The following CST5 variants were observed in gnomAD, a reference collection of about 807,000 sequenced individuals.
CST5 encodes the protein cystatin D.
Under a neutral mutation model 11.5 loss-of-function variants are expected in CST5, and 13 were observed. The observed-to-expected ratio is 1.13, with a 90% CI of 0.73 to 1.79. The LOEUF is 1.79. CST5 is among the 40% of genes most tolerant of loss of function. The pLI is 0.00. For synonymous variants in CST5, 81 were observed against 67.6 expected (o/e 1.20, Z -0.97); for missense variants, 219 against 174.5 (o/e 1.25, Z -1.44).
intron 2 of CST5, 21 bp downstream of exon 2, chr20:23,877,483 CT>C (rs774493695): frequency 1.1e-5 from 17 of 1,591,480 alleles, no homozygotes; most frequent in African/African-American, 1.3e-5. Context: ...CTTGATGCCC[CT>C]GACCCACATC....
intron 1 of CST5, among the ~76,000 whole-genome samples, chr20:23,879,218 G>T (rs1986028982): frequency 1.3e-5 from 2 of 152,176 alleles, no homozygotes; most frequent in Admixed American, 6.5e-5. Flanking sequence ...TCATGGTACA[G>T]ACACAGTGGC....
chr20:23,878,181 G>A (rs1157223565), intron 1 of CST5, among the ~76,000 whole-genome samples: 1 of 152,156 alleles, frequency 6.6e-6, no homozygotes, highest in African/African-American at 2.4e-5. Flanking sequence ...TAACCCAGAG[G>A]TATTTTTCCT....
rs1985994490 is a variant in CST5 at position 23,877,631 on chromosome 20, A to G, written c.232-13T>C. 1 of 1,598,580 alleles carries G rather than the reference A, an allele frequency of 6.3e-7. No homozygotes were observed. Among genetic ancestry groups the G allele is most frequent in the African/African-American group, 1.3e-5 (1 of 74,712 alleles). On this transcript the variant is annotated splice_polypyrimidine_tract_variant and intron_variant, in intron 1 of 2. Coordinates refer to ENST00000304710, the MANE Select transcript of CST5 (RefSeq NM_001900.5). ...CCCCACCCACGATCTACACGCGTGG[A>G]AGAGCAGGAAGCAGGGGCAGCATGC...
chr20:23,877,479 G>T, intron 2 of CST5, 26 bp downstream of exon 2: 1 of 1,565,980 alleles, frequency 6.4e-7, no homozygotes, highest in Non-Finnish European at 8.8e-7. Flanking sequence ...GGTACTTGAT[G>T]CCCCTGACCC....
In CST5 at chr20:23,879,570, G is replaced by T. The variant is rs773285104; in HGVS notation, c.107C>A (p.Ala36Asp). 1 of 1,614,056 alleles carries T rather than the reference G, an allele frequency of 6.2e-7. No homozygotes were observed. The highest frequency in any genetic ancestry group is 1.7e-5 in the Admixed American group (1 of 60,020). ...QSRTLAGGIH[A>D]TDLNDKSVQC... ...CACACTCTTGTCATTGAGGTCTGTG[G>T]CATGGATGCCACCTGCCAAGGTCCT... Residue 36 changes from alanine (A) to aspartate (D), a missense_variant, in exon 1 of 3, where the codon GCC becomes GAC. By Grantham distance (126) the Ala-to-Asp change is moderately radical. Transcript: ENST00000304710.
At chr20:23,877,061 A>G (rs1009431171) in intron 2 of CST5, among the ~76,000 whole-genome samples, 1 of 152,170 alleles carries the variant, frequency 6.6e-6, no homozygotes, top group East Asian at 1.9e-4. Context: ...GCACACACAT[A>G]GGCATCTATA....
chr20:23,877,361 G>A (rs1005628616), intron 2 of CST5, 144 bp downstream of exon 2: 4 of 627,042 alleles, frequency 6.4e-6, no homozygotes, highest in Non-Finnish European at 1.1e-5. Flanking sequence ...TTGCATACGT[G>A]GCCCCACAAA....
At chr20:23,879,276 T>C (rs1986030990) in intron 1 of CST5, among the ~76,000 whole-genome samples, 170 bp downstream of exon 1, 1 of 152,292 alleles carries the variant, frequency 6.6e-6, no homozygotes, top group African/African-American at 2.4e-5. Flanking sequence ...GCTGAACTCA[T>C]GCACTCACGG....
At chr20:23,877,438 T>C (rs912194541) in intron 2 of CST5, 67 bp downstream of exon 2, 12 of 1,196,946 alleles carry the variant, frequency 1.0e-5, no homozygotes, top group African/African-American at 7.5e-5. Flanking sequence ...CACACACACA[T>C]ACACACACAC....
Position 23,879,442 on chromosome 20 carries a change from G to T in CST5, c.231+4C>A, listed in dbSNP as rs751306458. 11 of 1,611,358 alleles carry T rather than the reference G, an allele frequency of 6.8e-6. No homozygotes were observed. Among genetic ancestry groups the T allele is most frequent in the East Asian group, 2.2e-5 (1 of 44,876 alleles). On this transcript the variant is annotated splice_donor_region_variant and intron_variant, in intron 1 of 2. Coordinates refer to ENST00000304710, the MANE Select transcript of CST5 (RefSeq NM_001900.5). ...AGGACCCCCAGGGTGGTGGTAGCAC[G>T]CACCTGCTGGTAGGCAGCCATCACC...
intron 2 of CST5, among the ~76,000 whole-genome samples, chr20:23,876,624 C>A (rs912611782): frequency 9.9e-5 from 15 of 152,166 alleles, no homozygotes; most frequent in African/African-American, 3.4e-4. Context: ...CCTCCAGCAC[C>A]CAGGCCAGCA....
In CST5 at chr20:23,879,569, G is replaced by A. The variant is rs374579933; in HGVS notation, c.108C>T (p.Ala36=). 1.9e-6 allele frequency: 3 copies of A among 1,613,956 alleles called. No individual in the cohort carries two copies. The highest frequency in any genetic ancestry group is 2.5e-6 in the Non-Finnish European group (3 of 1,180,010). ...GCACACTCTTGTCATTGAGGTCTGT[G>A]GCATGGATGCCACCTGCCAAGGTCC... ...QSRTLAGGIH[A]TDLNDKSVQC... is the part of the protein sequence containing the mutation. Residue 36 remains alanine, a synonymous_variant, in exon 1 of 3, where the codon GCC becomes GCT. Coordinates refer to ENST00000304710, the MANE Select transcript of CST5 (RefSeq NM_001900.5).
intron 1 of CST5, among the ~76,000 whole-genome samples, chr20:23,879,028 A>G (rs929732748): frequency 6.6e-6 from 1 of 152,174 alleles, no homozygotes; most frequent in Non-Finnish European, 1.5e-5. Context: ...CAGGGGCGTG[A>G]CTTGGGAGGG....
intron 2 of CST5, among the ~76,000 whole-genome samples, chr20:23,876,695 G>A (rs1421737664): frequency 6.6e-6 from 1 of 152,240 alleles, no homozygotes; most frequent in Non-Finnish European, 1.5e-5. Flanking sequence ...AGTGCCCGAG[G>A]TGGTGAGGAG....
chr20:23,878,552 T>A (rs961928593), intron 1 of CST5, among the ~76,000 whole-genome samples: 3 of 152,098 alleles, frequency 2.0e-5, no homozygotes, highest in Admixed American at 2.0e-4. Context: ...GGCCCAACGA[T>A]CTACATCATT....
intron 1 of CST5, among the ~76,000 whole-genome samples, chr20:23,877,994 G>A (rs1337691260): frequency 6.6e-6 from 1 of 152,178 alleles, no homozygotes; most frequent in African/African-American, 2.4e-5. Flanking sequence ...GCAGGGCAGG[G>A]TCTAAGCACC....
chr20:23,876,355 G>A (rs1985961319), intron 2 of CST5, 84 bp from the exon 3 acceptor site: 4 of 1,132,136 alleles, frequency 3.5e-6, no homozygotes, highest in Middle Eastern at 2.1e-4. Flanking sequence ...CAGAATGGGG[G>A]TGAAAATGGT....
At chr20:23,878,452 C>G (rs1326056344) in intron 1 of CST5, among the ~76,000 whole-genome samples, 2 of 152,156 alleles carry the variant, frequency 1.3e-5, no homozygotes, top group Non-Finnish European at 2.9e-5. Flanking sequence ...AGACCTTGCC[C>G]TGTGGAACCA....
Position 23,879,469 on chromosome 20 carries a change from G to T in CST5, c.208C>A (p.Gln70Lys), listed in dbSNP as rs1190872090. The T allele has an allele frequency of 6.2e-7, 1 of 1,613,794 alleles. No individual in the cohort carries two copies. The highest frequency in any genetic ancestry group is 1.3e-5 in the African/African-American group (1 of 74,890). Residue 70 changes from glutamine (Q) to lysine (K), a missense_variant, in exon 1 of 3, where the codon CAG becomes AAG. Transcript: ENST00000304710. Reference protein sequence around the residue: ...NKDEYYSRPLQVMAAYQQIVG... With the variant: ...NKDEYYSRPLKVMAAYQQIVG... Reference sequence around the variant, plus strand: ...ACCTGCTGGTAGGCAGCCATCACCTGCAGAGGGCGGCTGTAGTACTCATCC... The same window carrying T: ...ACCTGCTGGTAGGCAGCCATCACCTTCAGAGGGCGGCTGTAGTACTCATCC...
Sources: gnomAD v4.1 joint callset for allele counts (sites outside exome capture counted in the v4.1 genomes callset) on GRCh38, gnomAD v4.1.1 for gene constraint, MANE v1.5 for transcripts, NCBI Gene and HGNC (gene_info 2026-07-23, HGNC 2026-07-21) for gene names.